The following KBTBD3 variants were observed in gnomAD, a reference collection of about 807,000 sequenced individuals.
KBTBD3 encodes the protein kelch repeat and BTB domain containing 3, also known as kelch repeat and BTB domain-containing protein 3.
In KBTBD3, 38 loss-of-function variants were observed where a neutral mutation model predicts 49.6. The observed-to-expected ratio is 0.77, with a 90% CI of 0.59 to 1.00. The LOEUF (loss-of-function observed/expected upper bound fraction) is 1.00, where lower values mean the gene tolerates loss of function less well. Among genes scored for constraint, KBTBD3 ranks in the 50% least tolerant of loss-of-function variants. KBTBD3 has a pLI of 0.00. For synonymous variants in KBTBD3, 214 were observed against 250.4 expected, an observed-to-expected ratio of 0.85 and a Z score of 1.37; for missense variants, 661 against 712.0, an observed-to-expected ratio of 0.93 and a Z score of 0.81.
intron 2 of KBTBD3, among the ~76,000 whole-genome samples, chr11:106,072,961 A>G (rs111670635): frequency 6.6e-6 from 1 of 152,276 alleles, no homozygotes; most frequent in African/African-American, 2.4e-5. Context: ...ATACATTTTT[A>G]TAAGTACTGT....
intron 2 of KBTBD3, among the ~76,000 whole-genome samples, chr11:106,073,579 G>T (rs1860966019): frequency 6.6e-6 from 1 of 152,200 alleles, no homozygotes; most frequent in Non-Finnish European, 1.5e-5. Context: ...TGGCTCAAGA[G>T]CCCTTGCTTT....
Position 106,053,406 on chromosome 11 carries a change from T to C in KBTBD3, c.1283A>G (p.Asn428Ser), listed in dbSNP as rs1294847743. The C allele has an allele frequency of 6.2e-7, 1 of 1,613,456 alleles. No individual in the cohort carries two copies. Among genetic ancestry groups the C allele is most frequent in the South Asian group, 1.1e-5 (1 of 91,060 alleles). ...AGATATCCATTCTTTGGAAAGAGGA[T>C]TGTAAGATTCAACATCTAAGAGACT... ...IKSLLDVESY[N>S]PLSKEWISVS... The change falls in exon 4 of 4, where the codon AAT becomes AGT. Residue 428 changes from asparagine to serine, a missense_variant. Coordinates refer to ENST00000531837, the MANE Select transcript of KBTBD3 (RefSeq NM_198439.3).
intron 3 of KBTBD3, chr11:106,057,912 T>TG (rs1163222683): frequency 5.1e-6 from 2 of 393,050 alleles, no homozygotes; most frequent in Non-Finnish European, 9.0e-6. Context: ...TTGTTCAACC[T>TG]GTCGTCTTCT....
At chr11:106,068,654 A>G (rs2135018966) in intron 2 of KBTBD3, among the ~76,000 whole-genome samples, 1 of 152,286 alleles carries the variant, frequency 6.6e-6, no homozygotes, top group Middle Eastern at 3.4e-3. Flanking sequence ...TCTTCAAGAA[A>G]ACAGAAGCAG....
chr11:106,071,815 C>A (rs940163490), intron 2 of KBTBD3, among the ~76,000 whole-genome samples: 1 of 152,066 alleles, frequency 6.6e-6, no homozygotes, highest in Non-Finnish European at 1.5e-5. Context: ...GTGGACACAC[C>A]TATGACACTG....
At chr11:106,057,779 G>A in intron 3 of KBTBD3, 1 of 332,060 alleles carries the variant, frequency 3.0e-6, no homozygotes, top group African/African-American at 2.1e-5. Context: ...GGATGAATTT[G>A]CTAAGGAGAG....
At chr11:106,075,059 A>G (rs964935394) in intron 2 of KBTBD3, among the ~76,000 whole-genome samples, 4 of 152,174 alleles carry the variant, frequency 2.6e-5, no homozygotes, top group Non-Finnish European at 4.4e-5. Flanking sequence ...TATGTCACAC[A>G]TAGGATCCTG....
intron 2 of KBTBD3, among the ~76,000 whole-genome samples, chr11:106,067,780 G>A (rs184104930): frequency 3.9e-5 from 6 of 151,954 alleles, no homozygotes; most frequent in Middle Eastern, 3.4e-3. Flanking sequence ...CAATACTGAC[G>A]TTGCAATAAT....
chr11:106,058,741 T>A, intron 3 of KBTBD3, 124 bp downstream of exon 3: 1 of 683,274 alleles, frequency 1.5e-6, no homozygotes, highest in East Asian at 3.2e-5. Context: ...GTTTTGTTTT[T>A]GTTTTTTTTT....
At chr11:106,058,336 G>A (rs1381910849) in intron 3 of KBTBD3, among the ~76,000 whole-genome samples, 3 of 150,478 alleles carry the variant, frequency 2.0e-5, no homozygotes, top group South Asian at 2.1e-4. Flanking sequence ...AGCCGAGATC[G>A]CACCACTGCA....
At chr11:106,055,189 A>G (rs1285996604) in intron 3 of KBTBD3, among the ~76,000 whole-genome samples, 2 of 152,208 alleles carry the variant, frequency 1.3e-5, no homozygotes, top group Non-Finnish European at 2.9e-5. Flanking sequence ...TTATTGCTAC[A>G]TGGTAAAGTT....
rs35535283 is a variant in KBTBD3, at chr11:106,067,609, CA to C, written c.-12-8501del. 4.0e-3 allele frequency among the ~76,000 whole-genome samples: 566 copies of C among 141,020 alleles called. 1 individual carries two copies. Among genetic ancestry groups the C allele is most frequent in the African/African-American group, 0.014 (502 of 36,458 alleles). 92.5% of individuals were successfully genotyped at this position (141,020 alleles called of 152,430 possible). On this transcript the variant is annotated intron_variant, in intron 2 of 3. Coordinates refer to ENST00000531837, the MANE Select transcript of KBTBD3 (RefSeq NM_198439.3). ...CTGGGAGACAAGAGCAAAACTCCGTCAAAAAAAAAAAAGGTCTATTCAAAGA... is the reference window on the plus strand; with the variant it reads ...CTGGGAGACAAGAGCAAAACTCCGTCAAAAAAAAAAAGGTCTATTCAAAGA...
At chr11:106,068,467 T>C (rs1217346199) in intron 2 of KBTBD3, among the ~76,000 whole-genome samples, 2 of 152,178 alleles carry the variant, frequency 1.3e-5, no homozygotes, top group Non-Finnish European at 2.9e-5. Context: ...AAATACAATA[T>C]ATCAAAATGT....
intron 2 of KBTBD3, among the ~76,000 whole-genome samples, chr11:106,064,141 T>C (rs1860758844): frequency 6.6e-6 from 1 of 152,066 alleles, no homozygotes; most frequent in Non-Finnish European, 1.5e-5. Context: ...AGCGCTATCA[T>C]TGCAAAGGTG....
chr11:106,063,022 T>C (rs944387929), intron 2 of KBTBD3, among the ~76,000 whole-genome samples: 1 of 152,244 alleles, frequency 6.6e-6, no homozygotes. Context: ...ATATGAAATA[T>C]TAGTTTGTAT....
At chr11:106,077,271 C>A (rs1397866582) in intron 1 of KBTBD3, 41 bp downstream of exon 1, 1 of 181,492 alleles carries the variant, frequency 5.5e-6, no homozygotes, top group Admixed American at 5.8e-5. Flanking sequence ...AGAATAAGGG[C>A]TACCATCCCA....
chr11:106,058,819 T>C (rs771506965), intron 3 of KBTBD3, 46 bp downstream of exon 3: 1 of 1,109,206 alleles, frequency 9.0e-7, no homozygotes, highest in South Asian at 1.4e-5. Flanking sequence ...AAATAGAACT[T>C]AATTATCCAA....
chr11:106,073,330 G>C (rs1860961414), intron 2 of KBTBD3, among the ~76,000 whole-genome samples: 1 of 143,952 alleles, frequency 6.9e-6, no homozygotes, highest in Non-Finnish European at 1.5e-5. Context: ...TCAAACTCCT[G>C]GCCTTAAGTG....
rs887531297 is a variant in KBTBD3 at position 106,059,053 on chromosome 11, G to A, written c.45C>T (p.Ser15=). The A allele has an allele frequency of 1.3e-6, 2 of 1,552,954 alleles. No individual in the cohort carries two copies. Among genetic ancestry groups the A allele is most frequent in the Non-Finnish European group, 1.7e-6 (2 of 1,161,480 alleles). ...TCTCAGATGGAATTCCATTACATGTGCTTCGTTGATTGAAAGCATATGAAT... is the reference window on the plus strand; with the variant it reads ...TCTCAGATGGAATTCCATTACATGTACTTCGTTGATTGAAAGCATATGAAT... ...MDNSYAFNQR[S]TCNGIPSEKK... is the part of the protein sequence containing the mutation. The change falls in exon 3 of 4, where the codon AGC becomes AGT. Residue 15 remains serine, a synonymous_variant. Transcript: ENST00000531837.
Sources: allele counts gnomAD v4.1 joint callset (sites outside exome capture counted in the v4.1 genomes callset), GRCh38; gene constraint gnomAD v4.1.1; transcripts MANE v1.5; gene names NCBI Gene and HGNC (gene_info 2026-07-23, HGNC 2026-07-21).